KANK1: variants seen among roughly 807,000 people sequenced by gnomAD.
KANK1 encodes KN motif and ankyrin repeat domain-containing protein 1.
Under a neutral mutation model 106.2 loss-of-function variants are expected in KANK1, and 109 were observed. The ratio of observed to expected loss-of-function variants is 1.03; its 90% CI spans 0.88 to 1.20. The LOEUF (loss-of-function observed/expected upper bound fraction) is 1.20. Among genes scored for constraint, KANK1 ranks in the 50% most tolerant of loss-of-function variants. KANK1 has a pLI of 0.00. For synonymous variants in KANK1, 873 were observed against 652.2 expected (o/e 1.34, Z -5.16); for missense variants, 2,399 against 1,710.7 (o/e 1.40, Z -7.10).
chr9:527,293 TTTTG>T (rs35256853), intron 1 of KANK1, among the ~76,000 whole-genome samples: 16 of 151,148 alleles, frequency 1.1e-4, no homozygotes, highest in Admixed American at 2.6e-4. Context: ...TTTGTGTGTT[TTTTG>T]TTTGTTTGTT....
upstream of KANK1, among the ~76,000 whole-genome samples, chr9:500,721 GA>G (rs1435295005): frequency 3.3e-5 from 5 of 152,204 alleles, no homozygotes; most frequent in African/African-American, 1.2e-4. Flanking sequence ...CTGAAAGCCA[GA>G]AACAACAGAA....
intron 1 of KANK1, among the ~76,000 whole-genome samples, chr9:619,901 C>T (rs1588309484): frequency 6.6e-6 from 1 of 152,058 alleles, no homozygotes; most frequent in Non-Finnish European, 1.5e-5. Context: ...TTTTGGGAGT[C>T]TGAGGCGAGC....
intron 1 of KANK1, among the ~76,000 whole-genome samples, chr9:630,024 G>A (rs1181262773): frequency 6.7e-6 from 1 of 149,756 alleles, no homozygotes; most frequent in Non-Finnish European, 1.5e-5. Flanking sequence ...GAGAAAGGCC[G>A]ATCACTTAAG....
intron 10 of KANK1, 83 bp downstream of exon 10, chr9:742,488 C>T (rs980468696): frequency 5.6e-5 from 57 of 1,016,450 alleles, no homozygotes; most frequent in Non-Finnish European, 7.5e-5. Flanking sequence ...TGGCCAGGAG[C>T]GACCAAATCC....
intron 1 of KANK1, among the ~76,000 whole-genome samples, chr9:652,696 T>C (rs1841179835): frequency 6.6e-6 from 1 of 152,168 alleles, no homozygotes; most frequent in South Asian, 2.1e-4. Flanking sequence ...CAAAGGAACA[T>C]TTGGGAAGAA....
chr9:543,531 C>G (rs935865666), intron 1 of KANK1, among the ~76,000 whole-genome samples: 11 of 149,542 alleles, frequency 7.4e-5, no homozygotes, highest in African/African-American at 2.7e-4. Flanking sequence ...TGCACTCCAG[C>G]CTGGGCAACA....
chr9:663,452 A>G (rs1316166474), intron 1 of KANK1, among the ~76,000 whole-genome samples: 1 of 152,250 alleles, frequency 6.6e-6, no homozygotes, highest in Non-Finnish European at 1.5e-5. Context: ...ATACTGTTTT[A>G]ATGTACCTAT....
At chr9:666,182 A>C (rs568582714) in intron 1 of KANK1, among the ~76,000 whole-genome samples, 2 of 150,990 alleles carry the variant, frequency 1.3e-5, no homozygotes, top group African/African-American at 4.8e-5. Context: ...CCCTGTCTCA[A>C]AAAAAAAAAC....
chr9:481,412 T>G (rs1247359476), intron 3 of KANK1, among the ~76,000 whole-genome samples: 2 of 152,192 alleles, frequency 1.3e-5, no homozygotes, highest in African/African-American at 2.4e-5. Context: ...TCCTTAAGCC[T>G]TCTTTGCCTG....
intron 1 of KANK1, among the ~76,000 whole-genome samples, chr9:675,882 G>A (rs1816311265): frequency 6.6e-6 from 1 of 152,070 alleles, no homozygotes; most frequent in Non-Finnish European, 1.5e-5. Context: ...GATTATTCTT[G>A]TGTTTTGCAG....
At chr9:497,862 CA>C (rs2058482079) in intron 3 of KANK1, among the ~76,000 whole-genome samples, 1 of 139,648 alleles carries the variant, frequency 7.2e-6, no homozygotes, top group Non-Finnish European at 1.5e-5. Flanking sequence ...TAACCCCCCA[CA>C]CACACACACC....
At chr9:505,378 C>G (rs2058704789) in intron 1 of KANK1, among the ~76,000 whole-genome samples, 1 of 152,058 alleles carries the variant, frequency 6.6e-6, no homozygotes, top group Non-Finnish European at 1.5e-5. Flanking sequence ...GCGCTGCGGC[C>G]TCTGGGGCGG....
rs749468712 is a variant in KANK1, at chr9:712,214, G to A, written c.1448G>A (p.Arg483Gln). ...EVQLRETTHD[R>Q]EMTKLKQELQ... ...CAGCTTAGAGAAACCACCCATGACC[G>A]GGAGATGACTAAACTGAAACAAGAG... The change falls in exon 3 of 12, where the codon CGG becomes CAG. Residue 483 changes from arginine to glutamine, a missense_variant. Coordinates refer to ENST00000382297, the MANE Select transcript of KANK1 (RefSeq NM_015158.5). 62 of 1,613,982 alleles carry A rather than the reference G, an allele frequency of 3.8e-5. No homozygotes were observed. Among genetic ancestry groups the A allele is most frequent in the Admixed American group, 1.8e-4 (11 of 59,992 alleles).
chr9:586,149 G>A (rs1479934415), intron 1 of KANK1, among the ~76,000 whole-genome samples: 1 of 152,196 alleles, frequency 6.6e-6, no homozygotes, highest in African/African-American at 2.4e-5. Flanking sequence ...TTTATGCATA[G>A]TGAGATGGAA....
chr9:497,066 A>G (rs574326797), intron 3 of KANK1, among the ~76,000 whole-genome samples: 1 of 152,316 alleles, frequency 6.6e-6, no homozygotes, highest in East Asian at 1.9e-4. Context: ...ACAGAATTGT[A>G]ACTTGATTTT....
At chr9:557,063 A>T (rs766068835) in intron 1 of KANK1, among the ~76,000 whole-genome samples, 1 of 152,106 alleles carries the variant, frequency 6.6e-6, no homozygotes, top group Non-Finnish European at 1.5e-5. Flanking sequence ...CATGCCTGCA[A>T]TCCTAGTACT....
rs920001755 is a variant in KANK1, at chr9:645,563, A to G, written c.-83-31327A>G. ...TTAATGTATAAAATTATCAATTTTT[A>G]TACATTAGGGATTTCATTTTTTTAA... On this transcript the variant is annotated intron_variant, in intron 1 of 11. Transcript: ENST00000382297. Among the ~76,000 whole-genome samples the G allele has an allele frequency of 3.6e-4, 54 of 150,478 alleles. 5 individuals are homozygous for G. The highest frequency in any genetic ancestry group is 1.3e-3 in the African/African-American group (51 of 40,004).
At chr9:474,295 A>T (rs1429029674) in intron 3 of KANK1, among the ~76,000 whole-genome samples, 5 of 152,184 alleles carry the variant, frequency 3.3e-5, no homozygotes, top group Non-Finnish European at 1.5e-5. Flanking sequence ...TAGGAAAGCC[A>T]TATGGACTAG....
chr9:710,084 A>G (rs1041545435), intron 2 of KANK1, among the ~76,000 whole-genome samples: 2 of 152,162 alleles, frequency 1.3e-5, no homozygotes, highest in African/African-American at 2.4e-5. Context: ...TGAGGGTTGA[A>G]AAATTACCTA....
Sources: allele counts gnomAD v4.1 joint callset (sites outside exome capture counted in the v4.1 genomes callset), GRCh38; gene constraint gnomAD v4.1.1; transcripts MANE v1.5; gene names NCBI Gene and HGNC (gene_info 2026-07-23, HGNC 2026-07-21).